The following JMJD1C variants were observed in gnomAD, a reference collection of about 807,000 sequenced individuals.
JMJD1C encodes the protein jumonji domain containing 1C.
A neutral mutation model predicts 245.3 loss-of-function variants in JMJD1C; 31 were observed. The ratio of observed to expected loss-of-function variants is 0.13; its 90% confidence interval spans 0.09 to 0.17. JMJD1C has a LOEUF of 0.17. JMJD1C is among the 10% of genes least tolerant of loss of function. The pLI is 1.00. For missense variants in JMJD1C, 2,691 were observed against 3,000.2 expected (o/e 0.90, Z 2.41); for synonymous variants, 1,057 against 1,017.4 (o/e 1.04, Z -0.74).
At chr10:63,189,892 ATTT>A (rs144520897) in intron 17 of JMJD1C, among the ~76,000 whole-genome samples, 1 of 136,610 alleles carries the variant, frequency 7.3e-6, no homozygotes. Context: ...ATATATACAC[ATTT>A]TTTTTTTTTT....
intron 1 of JMJD1C, among the ~76,000 whole-genome samples, chr10:63,390,277 T>C (rs1005409861): frequency 6.6e-6 from 1 of 152,070 alleles, no homozygotes; most frequent in Non-Finnish European, 1.5e-5. Flanking sequence ...CTGGAAAACC[T>C]TGAAGAAATG....
At chr10:63,275,855 T>C (rs1286106704) in intron 2 of JMJD1C, among the ~76,000 whole-genome samples, 1 of 152,170 alleles carries the variant, frequency 6.6e-6, no homozygotes, top group Non-Finnish European at 1.5e-5. Flanking sequence ...TTATCAACAT[T>C]CAGGATACAC....
At chr10:63,378,572 A>C (rs938065237) in intron 2 of JMJD1C, among the ~76,000 whole-genome samples, 2 of 152,210 alleles carry the variant, frequency 1.3e-5, no homozygotes, top group African/African-American at 4.8e-5. Context: ...AGCCTGGGCA[A>C]CAGAGTGAGA....
chr10:63,205,848 T>C (rs571861024), intron 10 of JMJD1C, among the ~76,000 whole-genome samples: 1 of 151,926 alleles, frequency 6.6e-6, no homozygotes, highest in Non-Finnish European at 1.5e-5. Context: ...TTTTGAGACA[T>C]GGTCTTGCTC....
Position 63,215,169 on chromosome 10 carries a change from G to A in JMJD1C, c.1016-18C>T. ...AGGATTTTCTGTAGGATTAAAGAAA[G>A]AAGAGTCTTATTTTTCATACTAAAT... On this transcript the variant is annotated intron_variant, in intron 7 of 25. Transcript: ENST00000399262. The A allele has an allele frequency of 6.6e-7, 1 of 1,512,484 alleles. No individual in the cohort carries two copies. Among genetic ancestry groups the A allele is most frequent in the East Asian group, 2.3e-5 (1 of 44,076 alleles). The allele number at this position is 1,512,484 out of a possible 1,614,324, so 93.7% of individuals were successfully genotyped here. A position where few individuals can be genotyped will look rare whatever the true frequency, so the allele number is the denominator to read the frequency against.
At chr10:63,269,715 G>C (rs1474410908) in intron 2 of JMJD1C, among the ~76,000 whole-genome samples, 1 of 151,876 alleles carries the variant, frequency 6.6e-6, no homozygotes, top group East Asian at 1.9e-4. Context: ...TATTTATTTT[G>C]GTAGATTTGA....
chr10:63,385,897 T>C (rs1305263124), intron 1 of JMJD1C, among the ~76,000 whole-genome samples: 10 of 151,564 alleles, frequency 6.6e-5, no homozygotes, highest in Admixed American at 5.9e-4. Context: ...CAATAAAAAG[T>C]AGAAAAAAAT....
intron 2 of JMJD1C, among the ~76,000 whole-genome samples, chr10:63,320,331 A>C (rs747244787): frequency 6.6e-6 from 1 of 151,936 alleles, no homozygotes; most frequent in Non-Finnish European, 1.5e-5. Flanking sequence ...TCATTTGTCT[A>C]ATCTAGTATT....
rs762973842 is a variant in JMJD1C at position 63,208,048 on chromosome 10, T to C, written c.3621A>G (p.Pro1207=). Residue 1207 remains proline, a synonymous_variant, in exon 10 of 26, where the codon CCA becomes CCG. Coordinates refer to ENST00000399262, the MANE Select transcript of JMJD1C (RefSeq NM_032776.3). ...TGTGATGGATTGGTGGGTGAAATACTGGTGCTCTATGTAATGCAGGCATAC... is the reference window on the plus strand; with the variant it reads ...TGTGATGGATTGGTGGGTGAAATACCGGTGCTCTATGTAATGCAGGCATAC... ...LRSMPALHRA[P]VFHPPIHHSL... 63 of 1,614,060 alleles carry C rather than the reference T, an allele frequency of 3.9e-5. No homozygotes were observed. Among genetic ancestry groups the C allele is most frequent in the Non-Finnish European group, 5.2e-5 (61 of 1,180,018 alleles).
chr10:63,218,815 C>T (rs1295130659), intron 4 of JMJD1C, among the ~76,000 whole-genome samples: 1 of 152,120 alleles, frequency 6.6e-6, no homozygotes. Flanking sequence ...ATGTGTGGAC[C>T]TTTTCTGAAT....
intron 2 of JMJD1C, among the ~76,000 whole-genome samples, chr10:63,337,456 CGGGGG>C (rs1170416194): frequency 4.8e-4 from 1 of 2,100 alleles, no homozygotes; most frequent in African/African-American, 1.5e-3. Context: ...AAAGAGAAGG[CGGGGG>C]GGGGGGAGGG....
chr10:63,395,552 C>T (rs991535981), intron 1 of JMJD1C, among the ~76,000 whole-genome samples: 3 of 152,108 alleles, frequency 2.0e-5, no homozygotes, highest in Non-Finnish European at 4.4e-5. Context: ...ACTCTGGATG[C>T]TAGTGGGAAT....
rs183351609 is a variant in JMJD1C at position 63,301,780 on chromosome 10, C to A, written c.334-37016G>T. On this transcript the variant is annotated intron_variant, in intron 2 of 25. Transcript: ENST00000399262. ...TATACATACCTATGTAACAAACCGGCACGTTCTGCATATGTATCCCAGAAC... is the reference window on the plus strand; with the variant it reads ...TATACATACCTATGTAACAAACCGGAACGTTCTGCATATGTATCCCAGAAC... The A allele has an allele frequency of 4.2e-4, 181 of 434,258 alleles. No homozygotes were observed. In the Admixed American group the frequency reaches 4.8e-3, roughly 11 times the overall value. The allele number at this position is 434,258 out of a possible 1,614,324, so 26.9% of individuals were successfully genotyped here.
At position 63,206,972 on chromosome 10, in the gene JMJD1C, T is replaced by C. The variant is rs768962660; in HGVS notation, c.4697A>G (p.Asn1566Ser). ...TRHSEEDKNT[N>S]KMENSGNSVS... ...AGAATTCCCTGAATTTTCCATTTTA[T>C]TAGTATTTTTATCTTCTTCTGAGTG... is the stretch of plus-strand genomic sequence containing the variant. The change falls in exon 10 of 26, where the codon AAT (asparagine) becomes AGT (serine). Residue 1566 changes from asparagine (N) to serine (S), a missense_variant. Physicochemically the swap from Asn to Ser is conservative, Grantham distance 46 (BLOSUM62 1). This residue lies in a region of JMJD1C where 144 missense variants were observed against 143.3 expected (regional missense o/e 1.00). Transcript: ENST00000399262. 1.9e-6 allele frequency: 3 copies of C among 1,611,518 alleles called. No homozygotes were observed. In the East Asian group the frequency reaches 6.7e-5, roughly 36 times the overall value.
chr10:63,516,234 G>GAA (rs35469301), intron 1 of JMJD1C, among the ~76,000 whole-genome samples: 100 of 139,122 alleles, frequency 7.2e-4, no homozygotes, highest in Non-Finnish European at 9.3e-4. Context: ...GACTTTGAGG[G>GAA]AAAAAAAAAA....
At position 63,389,485 on chromosome 10, in the gene JMJD1C, A is replaced by G. The variant is rs73296528; in HGVS notation, c.169-9003T>C. Among the ~76,000 whole-genome samples, 494 of 145,534 alleles carry G rather than the reference A, an allele frequency of 3.4e-3. 3 individuals carry two copies. The highest frequency in any genetic ancestry group is 0.011 in the African/African-American group (454 of 39,484). On this transcript the variant is annotated intron_variant, in intron 1 of 25. Transcript: ENST00000399262. ...TTTTTTTTTCCCAAAAACTCACTGC[A>G]TGCTAACAGACAGAAAATTAGCAAA...
chr10:63,499,932 C>T (rs895831187), intron 1 of JMJD1C, among the ~76,000 whole-genome samples: 3 of 152,006 alleles, frequency 2.0e-5, no homozygotes, highest in Admixed American at 1.3e-4. Flanking sequence ...TCATTTTTAC[C>T]TATTATAATG....
At chr10:63,185,517 T>C (rs2132913326) in intron 20 of JMJD1C, 46 bp downstream of exon 20, 1 of 1,068,876 alleles carries the variant, frequency 9.4e-7, no homozygotes, top group Non-Finnish European at 1.5e-6. Context: ...GGGACAGTCT[T>C]AGCTCGATCT....
At chr10:63,238,189 A>AAAAAAAAAAAAAAAG (rs986291984) in intron 3 of JMJD1C, among the ~76,000 whole-genome samples, 8 of 135,706 alleles carry the variant, frequency 5.9e-5, no homozygotes, top group African/African-American at 8.1e-5. Flanking sequence ...TCAAAAAAAA[A>AAAAAAAAAAAAAAAG]AAAAAAGAAA....
Sources: allele counts gnomAD v4.1 joint callset (sites outside exome capture counted in the v4.1 genomes callset), GRCh38; gene constraint gnomAD v4.1.1; regional missense constraint gnomAD v4.1.1; transcripts MANE v1.5; gene names NCBI Gene and HGNC (gene_info 2026-07-23, HGNC 2026-07-21).